LOC128462377: variants seen among roughly 807,000 people sequenced by gnomAD.
the LOC128462377 span, among the ~76,000 whole-genome samples, chr16:89,416,279 A>C: frequency 6.6e-6 from 1 of 151,938 alleles, no homozygotes; most frequent in Middle Eastern, 3.2e-3. Context: ...TAATCAGAGA[A>C]GCCTGTATTT....
the LOC128462377 span, among the ~76,000 whole-genome samples, chr16:89,387,533 C>T: frequency 4.6e-5 from 7 of 151,772 alleles, no homozygotes; most frequent in African/African-American, 7.3e-5. Flanking sequence ...ATTAACCAGG[C>T]GTGGTGGCGG....
chr16:89,392,321 C>G, the LOC128462377 span: 2 of 152,410 alleles, frequency 1.3e-5, no homozygotes, highest in Non-Finnish European at 2.9e-5. Context: ...AGGGAGCAAG[C>G]ATTTCAAACA....
chr16:89,367,128 C>G, the LOC128462377 span, among the ~76,000 whole-genome samples: 1 of 152,194 alleles, frequency 6.6e-6, no homozygotes, highest in Non-Finnish European at 1.5e-5. Flanking sequence ...TACCTCAACT[C>G]TCCACCCCGC....
At chr16:89,362,825 A>G in the LOC128462377 span, among the ~76,000 whole-genome samples, 5 of 152,076 alleles carry the variant, frequency 3.3e-5, no homozygotes, top group Admixed American at 3.3e-4. Flanking sequence ...AGCATTCCAC[A>G]AATTACTTCC....
chr16:89,326,571 T>C, the LOC128462377 span, among the ~76,000 whole-genome samples: 2 of 151,984 alleles, frequency 1.3e-5, no homozygotes, highest in Non-Finnish European at 2.9e-5. Flanking sequence ...GGAAACCTCA[T>C]CTTTACAAAA....
chr16:89,366,966 G>A, the LOC128462377 span, among the ~76,000 whole-genome samples: 1 of 152,206 alleles, frequency 6.6e-6, no homozygotes, highest in African/African-American at 2.4e-5. Flanking sequence ...CCCACAGGCT[G>A]GATTAGGTCC....
the LOC128462377 span, among the ~76,000 whole-genome samples, chr16:89,339,334 T>C: frequency 6.6e-6 from 1 of 151,748 alleles, no homozygotes; most frequent in African/African-American, 2.4e-5. Flanking sequence ...GAGGCCCAGG[T>C]TTGCTTGAAG....
At chr16:89,413,433 A>G in the LOC128462377 span, among the ~76,000 whole-genome samples, 1 of 152,048 alleles carries the variant, frequency 6.6e-6, no homozygotes, top group Non-Finnish European at 1.5e-5. Flanking sequence ...ACACCATCCT[A>G]GCTAACACGA....
At chr16:89,320,008 G>A in the LOC128462377 span, 2 of 152,412 alleles carry the variant, frequency 1.3e-5, no homozygotes, top group African/African-American at 2.4e-5. Flanking sequence ...CCAGCCGAGG[G>A]CCGAGGAACC....
the LOC128462377 span, chr16:89,324,312 G>C: frequency 7.9e-7 from 1 of 1,269,824 alleles, no homozygotes. Context: ...ACAGGAGCAC[G>C]GACACAGCAG....
At chr16:89,393,333 C>T in the LOC128462377 span, among the ~76,000 whole-genome samples, 2 of 143,958 alleles carry the variant, frequency 1.4e-5, no homozygotes, top group South Asian at 2.2e-4. Flanking sequence ...TTTTTTGAGA[C>T]GGAGGCTTGC....
the LOC128462377 span, among the ~76,000 whole-genome samples, chr16:89,397,218 C>G: frequency 2.6e-5 from 4 of 152,134 alleles, no homozygotes; most frequent in African/African-American, 7.2e-5. Flanking sequence ...GGATGAGGAC[C>G]TGGGTGAGGG....
the LOC128462377 span, among the ~76,000 whole-genome samples, chr16:89,379,001 C>G: frequency 6.6e-6 from 1 of 152,238 alleles, no homozygotes; most frequent in African/African-American, 2.4e-5. Flanking sequence ...AGCGTCAAGA[C>G]GCCTCCTGCA....
At chr16:89,396,010 C>T in the LOC128462377 span, 4 of 152,168 alleles carry the variant, frequency 2.6e-5, no homozygotes, top group East Asian at 3.8e-4. Flanking sequence ...AAAGAATGAC[C>T]GACCGACATG....
chr16:89,338,535 C>T, the LOC128462377 span, among the ~76,000 whole-genome samples: 6 of 151,532 alleles, frequency 4.0e-5, no homozygotes, highest in Admixed American at 3.9e-4. Context: ...TCAAGACCAG[C>T]CTGGCCAACA....
the LOC128462377 span, among the ~76,000 whole-genome samples, chr16:89,406,430 G>C: frequency 6.6e-6 from 1 of 152,204 alleles, no homozygotes; most frequent in Non-Finnish European, 1.5e-5. Flanking sequence ...AGTCCTAGAG[G>C]AGAAGCAGCA....
the LOC128462377 span, among the ~76,000 whole-genome samples, chr16:89,354,719 T>TA: frequency 2.0e-5 from 3 of 152,142 alleles, no homozygotes; most frequent in Admixed American, 2.0e-4. Context: ...ACGTCTCTAC[T>TA]AAAAATACAG....
the LOC128462377 span, among the ~76,000 whole-genome samples, chr16:89,374,857 T>C: frequency 5.9e-5 from 9 of 152,204 alleles, no homozygotes; most frequent in East Asian, 1.7e-3. Flanking sequence ...TTTCAACAAA[T>C]ACACTGAAAA....
At chr16:89,406,546 G>T in the LOC128462377 span, among the ~76,000 whole-genome samples, 3 of 152,198 alleles carry the variant, frequency 2.0e-5, no homozygotes, top group African/African-American at 7.2e-5. Flanking sequence ...AGGCACCAGA[G>T]GCTGCAGCGA....
Sources: allele counts gnomAD v4.1 joint callset (sites outside exome capture counted in the v4.1 genomes callset), GRCh38; gene constraint gnomAD v4.1.1; transcripts MANE v1.5.